Variants in UBE2K observed in about 807,000 individuals in gnomAD.
The protein encoded by UBE2K is ubiquitin conjugating enzyme E2 K.
A neutral mutation model predicts 30.0 loss-of-function variants in UBE2K; 6 were observed. The ratio of observed to expected loss-of-function variants is 0.20; its 90% CI spans 0.11 to 0.39. The LOEUF (loss-of-function observed/expected upper bound fraction) is 0.39. UBE2K is among the 10% of genes least tolerant of loss of function. UBE2K has a pLI of 1.00. For synonymous variants in UBE2K, 86 were observed against 83.7 expected, an observed-to-expected ratio of 1.03 and a Z score of -0.15; for missense variants, 61 against 241.6, an observed-to-expected ratio of 0.25 and a Z score of 4.96.
Position 39,755,265 on chromosome 4 carries a change from C to T in UBE2K, c.217-392C>T, listed in dbSNP as rs79287986. On this transcript the variant is annotated intron_variant, in intron 3 of 6. Transcript: ENST00000261427. ...GTTTTACTTACTTTTTTCCTCAAAC[C>T]TATTCTGCACCCTGCCTCACATGAA... Among the ~76,000 whole-genome samples the T allele has an allele frequency of 9.5e-3, 1,453 of 152,244 alleles. 17 individuals carry two copies. Among genetic ancestry groups the T allele is most frequent in the Non-Finnish European group, 0.013 (859 of 68,010 alleles).
At chr4:39,771,923 C>G (rs2109406863) in intron 4 of UBE2K, among the ~76,000 whole-genome samples, 1 of 152,270 alleles carries the variant, frequency 6.6e-6, no homozygotes, top group Admixed American at 6.5e-5. Context: ...TCACTATAAC[C>G]TTCGCCTCCC....
chr4:39,748,531 G>A (rs1457802558), intron 3 of UBE2K, among the ~76,000 whole-genome samples: 1 of 151,820 alleles, frequency 6.6e-6, no homozygotes, highest in Non-Finnish European at 1.5e-5. Flanking sequence ...TATAATCCCA[G>A]CACTTTAGGA....
intron 4 of UBE2K, chr4:39,771,243 G>T (rs1192718131): frequency 1.2e-6 from 2 of 1,612,046 alleles, no homozygotes; most frequent in South Asian, 1.1e-5. Flanking sequence ...CCGAGCTGGG[G>T]TTAAGCAGGA....
At chr4:39,760,635 C>T (rs990178629) in intron 4 of UBE2K, among the ~76,000 whole-genome samples, 2 of 152,014 alleles carry the variant, frequency 1.3e-5, no homozygotes, top group Admixed American at 6.5e-5. Context: ...CAGTGGCTCA[C>T]GCCTGTAATC....
intron 3 of UBE2K, among the ~76,000 whole-genome samples, chr4:39,754,365 G>A (rs893940900): frequency 4.6e-5 from 7 of 152,302 alleles, no homozygotes; most frequent in African/African-American, 1.4e-4. Flanking sequence ...AGTCATTGGC[G>A]AATTAAAGTG....
At chr4:39,702,476 A>G (rs950012621) in intron 1 of UBE2K, among the ~76,000 whole-genome samples, 2 of 146,358 alleles carry the variant, frequency 1.4e-5, no homozygotes, top group African/African-American at 5.0e-5. Flanking sequence ...CTGGTCTTGA[A>G]CTCCCGACCT....
chr4:39,759,656 C>A (rs1461454567), intron 4 of UBE2K, among the ~76,000 whole-genome samples: 2 of 152,162 alleles, frequency 1.3e-5, no homozygotes, highest in Non-Finnish European at 2.9e-5. Context: ...CTGACACTTA[C>A]TATGACTAAT....
At chr4:39,770,054 A>C in intron 4 of UBE2K, 1 of 1,506,698 alleles carries the variant, frequency 6.6e-7, no homozygotes, top group Non-Finnish European at 8.9e-7. Flanking sequence ...CAGGGACCCC[A>C]GCCTCCGGGC....
Position 39,770,526 on chromosome 4 carries a change from C to T in UBE2K, c.300-4308C>T. Reference sequence around the variant, plus strand: ...CAGGGGTCCCTGGCTGCCCCCCGCCCCCCGGGCAACCATGGCCGCCGCTGC... The same window carrying T: ...CAGGGGTCCCTGGCTGCCCCCCGCCTCCCGGGCAACCATGGCCGCCGCTGC... On this transcript the variant is annotated intron_variant, in intron 4 of 6. Coordinates refer to ENST00000261427, the MANE Select transcript of UBE2K (RefSeq NM_005339.5). 4.4e-6 allele frequency: 7 copies of T among 1,604,230 alleles called. No individual in the cohort carries two copies. The South Asian group carries it at 6.6e-5, about 15-fold the overall frequency.
chr4:39,760,551 A>G (rs1234422076), intron 4 of UBE2K, among the ~76,000 whole-genome samples: 1 of 152,166 alleles, frequency 6.6e-6, no homozygotes, highest in Non-Finnish European at 1.5e-5. Flanking sequence ...AAGAATACAT[A>G]CTGTATGGTT....
intron 4 of UBE2K, among the ~76,000 whole-genome samples, chr4:39,768,276 CAAAAA>C (rs35596173): frequency 5.4e-4 from 61 of 113,550 alleles, no homozygotes; most frequent in African/African-American, 1.5e-3. Flanking sequence ...CCGTCTCTAC[CAAAAA>C]AAAAAAAAAA....
At position 39,770,358 on chromosome 4, in the gene UBE2K, A is replaced by G; in HGVS notation, c.300-4476A>G. ...GTGGTTGAGGTTGTTGCTGTGGTTGAACTCCTTGCCACAGCGAGGGCACAT... is the reference window on the plus strand; with the variant it reads ...GTGGTTGAGGTTGTTGCTGTGGTTGGACTCCTTGCCACAGCGAGGGCACAT... On this transcript the variant is annotated intron_variant, in intron 4 of 6. Coordinates refer to ENST00000261427, the MANE Select transcript of UBE2K (RefSeq NM_005339.5). 6 of 1,613,386 alleles carry G rather than the reference A, an allele frequency of 3.7e-6. No individual in the cohort carries two copies. The South Asian group carries it at 6.6e-5, about 18-fold the overall frequency.
Position 39,765,851 on chromosome 4 carries a change from T to C in UBE2K, c.300-8983T>C, listed in dbSNP as rs1436383459. Among the ~76,000 whole-genome samples the C allele has an allele frequency of 2.0e-5, 3 of 152,194 alleles. No homozygotes were observed. The East Asian group carries it at 5.8e-4, about 29-fold the overall frequency. On this transcript the variant is annotated intron_variant, in intron 4 of 6. Transcript: ENST00000261427. ...GGCTGGGCGTGGTGGCTCTTGCCTG[T>C]AACCCCAGCACTTTGGGAGGCCGAG... is the stretch of plus-strand genomic sequence containing the variant.
rs2109422735 is a variant in UBE2K, at chr4:39,780,021, G to T, written c.*1587G>T. 6.6e-6 allele frequency: 1 copy of T among 152,172 alleles called. No homozygotes were observed. The highest frequency in any genetic ancestry group is 1.9e-4 in the East Asian group (1 of 5,188). 9.4% of individuals were successfully genotyped at this position (152,172 alleles called of 1,614,324 possible). ...ATATTGTAATGTTAAAGATGTGAAG[G>T]TTCTTCCAAAAATTTGTAAGGCTTT... On this transcript the variant is annotated 3_prime_UTR_variant, in exon 7 of 7. Coordinates refer to ENST00000261427, the MANE Select transcript of UBE2K (RefSeq NM_005339.5).
rs1438599888 is a variant in UBE2K at position 39,778,623 on chromosome 4, A to G, written c.*189A>G. 6.7e-6 allele frequency: 3 copies of G among 446,486 alleles called. No homozygotes were observed. The highest frequency in any genetic ancestry group is 7.9e-6 in the Non-Finnish European group (2 of 252,832). 27.7% of individuals were successfully genotyped at this position (446,486 alleles called of 1,614,324 possible). ...AATAAAGCTAATTAAACGTCTGTGTAAATTTAAAAAGGGGAAATACTTTAA... is the reference window on the plus strand; with the variant it reads ...AATAAAGCTAATTAAACGTCTGTGTGAATTTAAAAAGGGGAAATACTTTAA... On this transcript the variant is annotated 3_prime_UTR_variant, in exon 7 of 7. Transcript: ENST00000261427.
At chr4:39,702,623 A>G (rs569355073) in intron 1 of UBE2K, among the ~76,000 whole-genome samples, 102 of 152,198 alleles carry the variant, frequency 6.7e-4, no homozygotes, top group African/African-American at 2.1e-3. Context: ...GAAAATTACT[A>G]TATAGTACAT....
chr4:39,738,450 G>A (rs1261591910), intron 2 of UBE2K, among the ~76,000 whole-genome samples: 2 of 152,130 alleles, frequency 1.3e-5, no homozygotes, highest in African/African-American at 2.4e-5. Context: ...ATGTAAATCA[G>A]AATTGACTTA....
intron 4 of UBE2K, among the ~76,000 whole-genome samples, chr4:39,769,213 G>GTTTTTTTTTTTTTTTTGTTTTTTTTTTT (rs60471860): frequency 3.1e-5 from 4 of 128,682 alleles, no homozygotes; most frequent in Non-Finnish European, 5.0e-5. Context: ...GTTTCTTTTT[G>GTTTTTTTTTTTTTTTTGTTTTTTTTTTT]TTTTTTTTTT....
At chr4:39,774,682 A>G (rs1469966741) in intron 4 of UBE2K, 152 bp from the exon 5 acceptor site, 6 of 410,246 alleles carry the variant, frequency 1.5e-5, no homozygotes, top group Non-Finnish European at 2.6e-5. Context: ...AGGCAGATAC[A>G]TAATTATAAA....
Sources: gnomAD v4.1 joint callset for allele counts (sites outside exome capture counted in the v4.1 genomes callset) on GRCh38, gnomAD v4.1.1 for gene constraint, MANE v1.5 for transcripts, NCBI Gene and HGNC (gene_info 2026-07-23, HGNC 2026-07-21) for gene names.